The following KDM4C variants were observed in gnomAD, a reference collection of about 807,000 sequenced individuals.
KDM4C encodes lysine demethylase 4C.
In KDM4C, 81 loss-of-function variants were observed where a neutral mutation model predicts 129.3. The observed-to-expected ratio is 0.63, with a 90% confidence interval of 0.52 to 0.75. The LOEUF (loss-of-function observed/expected upper bound fraction) is 0.75, where lower values mean the gene tolerates loss of function less well. KDM4C is among the 30% of genes least tolerant of loss of function. KDM4C has a pLI of 0.00. For synonymous variants in KDM4C, 573 were observed against 456.1 expected, an observed-to-expected ratio of 1.26 and a Z score of -3.26; for missense variants, 1,457 against 1,304.0, an observed-to-expected ratio of 1.12 and a Z score of -1.81.
At chr9:7,116,169 C>T (rs562907138) in intron 18 of KDM4C, among the ~76,000 whole-genome samples, 2 of 152,180 alleles carry the variant, frequency 1.3e-5, no homozygotes, top group African/African-American at 4.8e-5. Flanking sequence ...AGAAGTGAAA[C>T]TTTCTTCTTT....
At chr9:6,975,899 G>A (rs557307986) in intron 8 of KDM4C, among the ~76,000 whole-genome samples, 1 of 152,252 alleles carries the variant, frequency 6.6e-6, no homozygotes, top group East Asian at 1.9e-4. Flanking sequence ...TTAGCCGAGC[G>A]TGGTGGCACA....
At chr9:6,845,228 G>T (rs1035351648) in intron 4 of KDM4C, among the ~76,000 whole-genome samples, 1 of 152,100 alleles carries the variant, frequency 6.6e-6, no homozygotes, top group Non-Finnish European at 1.5e-5. Flanking sequence ...TTGATTGACT[G>T]ATTGAGACAG....
intron 4 of KDM4C, among the ~76,000 whole-genome samples, chr9:6,841,279 C>T (rs1015942145): frequency 9.9e-5 from 15 of 151,960 alleles, no homozygotes; most frequent in African/African-American, 3.6e-4. Context: ...GATGGGGGCT[C>T]ATAGCTTTGT....
At chr9:6,807,346 G>C (rs373553437) in intron 3 of KDM4C, among the ~76,000 whole-genome samples, 2 of 146,418 alleles carry the variant, frequency 1.4e-5, no homozygotes, top group Non-Finnish European at 3.0e-5. Flanking sequence ...GCCGCCCATC[G>C]TCTGGGATGT....
intron 19 of KDM4C, among the ~76,000 whole-genome samples, chr9:7,132,429 T>C (rs1388795392): frequency 2.0e-5 from 3 of 152,216 alleles, no homozygotes; most frequent in Non-Finnish European, 1.5e-5. Flanking sequence ...GGAAATGTCT[T>C]TCCCTACCTA....
chr9:6,787,764 A>C (rs573627575), intron 1 of KDM4C, among the ~76,000 whole-genome samples: 1 of 152,288 alleles, frequency 6.6e-6, no homozygotes, highest in African/African-American at 2.4e-5. Context: ...AATGTGATTT[A>C]CAATATGTGA....
At chr9:6,889,545 C>T (rs1361351343) in intron 7 of KDM4C, among the ~76,000 whole-genome samples, 2 of 152,164 alleles carry the variant, frequency 1.3e-5, no homozygotes, top group Non-Finnish European at 2.9e-5. Flanking sequence ...CTCAGAGGGG[C>T]TGCTGTGGCT....
chr9:7,028,033 C>T (rs921463022), intron 15 of KDM4C, among the ~76,000 whole-genome samples: 2 of 152,152 alleles, frequency 1.3e-5, no homozygotes, highest in Non-Finnish European at 2.9e-5. Context: ...ATGCTAAGAG[C>T]CAAGGCCTGG....
chr9:6,972,262 T>C (rs879500186), intron 8 of KDM4C, among the ~76,000 whole-genome samples: 4 of 151,928 alleles, frequency 2.6e-5, no homozygotes. Flanking sequence ...TGTGTATATA[T>C]ATATACACAC....
intron 19 of KDM4C, among the ~76,000 whole-genome samples, chr9:7,131,879 G>T (rs539927065): frequency 6.6e-6 from 1 of 152,282 alleles, no homozygotes; most frequent in East Asian, 1.9e-4. Flanking sequence ...TTTTCATTAG[G>T]TGATATACCT....
chr9:6,743,159 T>C (rs1044358620), intron 1 of KDM4C, among the ~76,000 whole-genome samples: 5 of 152,166 alleles, frequency 3.3e-5, no homozygotes, highest in African/African-American at 1.2e-4. Flanking sequence ...TGAAACAGAC[T>C]AAACAATACA....
chr9:7,022,975 C>T (rs1825146621), intron 15 of KDM4C, among the ~76,000 whole-genome samples: 1 of 152,160 alleles, frequency 6.6e-6, no homozygotes, highest in Non-Finnish European at 1.5e-5. Flanking sequence ...GTTGAATCAT[C>T]CTTGCATTCC....
In KDM4C at chr9:6,758,357, C is replaced by T. The variant is rs1181799449; in HGVS notation, c.-18+154C>T. Among the ~76,000 whole-genome samples, 5 of 152,066 alleles carry T rather than the reference C, an allele frequency of 3.3e-5. No individual in the cohort carries two copies. Among genetic ancestry groups the T allele is most frequent in the Admixed American group, 6.5e-5 (1 of 15,290 alleles). ...GACGCTCCGTCCGTGACTGCAGCGACTGTCAAGCTGGGGAGGGAGCGGCCG... is the reference window on the plus strand; with the variant it reads ...GACGCTCCGTCCGTGACTGCAGCGATTGTCAAGCTGGGGAGGGAGCGGCCG... On this transcript the variant is annotated intron_variant, in intron 1 of 21. Transcript: ENST00000381309. This position sits in a 1 kb window ranked among gnomAD's most constrained non-coding sequence, Gnocchi z 4.6.
intron 8 of KDM4C, among the ~76,000 whole-genome samples, chr9:6,958,600 C>T (rs558039938): frequency 1.7e-4 from 26 of 151,456 alleles, no homozygotes; most frequent in South Asian, 1.3e-3. Context: ...AAAAAAAAAT[C>T]GTATCACACT....
At chr9:7,108,544 T>C (rs907277756) in intron 18 of KDM4C, among the ~76,000 whole-genome samples, 1 of 152,272 alleles carries the variant, frequency 6.6e-6, no homozygotes, top group East Asian at 1.9e-4. Flanking sequence ...GCCTGAATGC[T>C]TTTTCCAGCC....
At chr9:7,018,587 G>C (rs1182144960) in intron 15 of KDM4C, among the ~76,000 whole-genome samples, 1 of 152,180 alleles carries the variant, frequency 6.6e-6, no homozygotes, top group Non-Finnish European at 1.5e-5. Context: ...GAGATTATCT[G>C]ATCAGCTCAC....
rs552937026 is a variant in KDM4C at position 6,839,669 on chromosome 9, G to T, written c.436-9838G>T. Among the ~76,000 whole-genome samples the T allele has an allele frequency of 9.2e-5, 14 of 152,188 alleles. No individual in the cohort carries two copies. In the East Asian group the frequency reaches 2.7e-3, roughly 29 times the overall value. On this transcript the variant is annotated intron_variant, in intron 4 of 21. Coordinates refer to ENST00000381309, the MANE Select transcript of KDM4C (RefSeq NM_015061.6). ...TGCCTATAATCTCAGCACTTTTGGAGGCCGAGGCAGGAGGATCACTTGAGG... is the reference window on the plus strand; with the variant it reads ...TGCCTATAATCTCAGCACTTTTGGATGCCGAGGCAGGAGGATCACTTGAGG...
intron 17 of KDM4C, among the ~76,000 whole-genome samples, chr9:7,061,750 C>G (rs1831704088): frequency 1.3e-5 from 2 of 152,232 alleles, no homozygotes; most frequent in Admixed American, 1.3e-4. Context: ...CAGAGACCCT[C>G]TTTTACTGGC....
chr9:6,927,745 C>A (rs1408566119), intron 8 of KDM4C, among the ~76,000 whole-genome samples: 1 of 152,164 alleles, frequency 6.6e-6, no homozygotes, highest in African/African-American at 2.4e-5. Flanking sequence ...CAGTTCCCAC[C>A]CTGTTAGCCT....
Sources: allele counts gnomAD v4.1 joint callset (sites outside exome capture counted in the v4.1 genomes callset), GRCh38; gene constraint gnomAD v4.1.1; non-coding constraint Gnocchi (gnomAD v3.1); transcripts MANE v1.5; gene names NCBI Gene and HGNC (gene_info 2026-07-23, HGNC 2026-07-21).